Variants in CADPS observed in about 807,000 individuals in gnomAD.
CADPS encodes the protein calcium-dependent secretion activator 1.
A neutral mutation model predicts 167.3 loss-of-function variants in CADPS; 57 were observed. The ratio of observed to expected loss-of-function variants is 0.34; its 90% CI spans 0.28 to 0.42. The LOEUF is 0.42. Ranked by LOEUF, CADPS falls within the 20% of genes least tolerant of loss-of-function variation. The pLI, the probability that CADPS is intolerant of heterozygous loss-of-function variation, is 1.00. For missense variants in CADPS, 1,414 were observed against 1,738.1 expected (o/e 0.81, Z 3.32); for synonymous variants, 676 against 635.3 (o/e 1.06, Z -0.96).
At chr3:62,758,900 A>G (rs2084670094) in intron 2 of CADPS, among the ~76,000 whole-genome samples, 1 of 152,234 alleles carries the variant, frequency 6.6e-6, no homozygotes, top group African/African-American at 2.4e-5. Flanking sequence ...TTCACATTAC[A>G]GATGAGGTTG....
At position 62,399,353 on chromosome 3, in the gene CADPS, G is replaced by C; in HGVS notation, c.*53C>G. 6.4e-7 allele frequency: 1 copy of C among 1,554,806 alleles called. No individual in the cohort carries two copies. Among genetic ancestry groups the C allele is most frequent in the Non-Finnish European group, 8.9e-7 (1 of 1,129,160 alleles). Reference sequence around the variant, plus strand: ...CTAATGGGTTTAACTAACAGACTAAGGACATGCACTGATTACAGGACTCTG... The same window carrying C: ...CTAATGGGTTTAACTAACAGACTAACGACATGCACTGATTACAGGACTCTG... On this transcript the variant is annotated 3_prime_UTR_variant, in exon 30 of 30. Transcript: ENST00000383710. The surrounding 1 kb of genome is among the most constrained non-coding windows in gnomAD (Gnocchi z 5.6).
chr3:62,867,246 G>A (rs936049943), intron 1 of CADPS, among the ~76,000 whole-genome samples: 6 of 151,948 alleles, frequency 3.9e-5, no homozygotes, highest in Admixed American at 2.0e-4. Flanking sequence ...CAATGATAAC[G>A]AGCATAGTGC....
intron 1 of CADPS, among the ~76,000 whole-genome samples, chr3:62,871,538 A>G (rs1448218511): frequency 1.3e-5 from 2 of 152,130 alleles, no homozygotes; most frequent in African/African-American, 4.8e-5. Context: ...TATTAAAAAG[A>G]TAGGATTTGG....
chr3:62,692,068 CA>C (rs559433268), intron 3 of CADPS, among the ~76,000 whole-genome samples: 33 of 151,964 alleles, frequency 2.2e-4, no homozygotes, highest in Non-Finnish European at 3.1e-4. Context: ...CTGAAATTTT[CA>C]ACACCACTGT....
chr3:62,512,956 A>T (rs936792091), intron 16 of CADPS, among the ~76,000 whole-genome samples, 188 bp from the exon 17 acceptor site: 1 of 152,128 alleles, frequency 6.6e-6, no homozygotes, highest in African/African-American at 2.4e-5. Context: ...TCCTTCACAG[A>T]GGTGGAAAAT....
At chr3:62,742,900 C>T (rs1008457193) in intron 3 of CADPS, among the ~76,000 whole-genome samples, 18 of 152,124 alleles carry the variant, frequency 1.2e-4, no homozygotes, top group Admixed American at 6.6e-5. Context: ...GGTCTAATAT[C>T]ATGCATCTAT....
intron 8 of CADPS, among the ~76,000 whole-genome samples, chr3:62,572,050 C>T (rs948432768): frequency 1.3e-5 from 2 of 152,174 alleles, no homozygotes; most frequent in Admixed American, 1.3e-4. Flanking sequence ...CTTTACCTGT[C>T]TACTGTCATC....
chr3:62,683,302 T>C (rs964915185), intron 3 of CADPS, among the ~76,000 whole-genome samples: 4 of 151,938 alleles, frequency 2.6e-5, no homozygotes, highest in Non-Finnish European at 4.4e-5. Context: ...AGAGGATGGA[T>C]TGGAAGGGTT....
rs548317312 is a variant in CADPS, at chr3:62,557,701, AG to A, written c.1645-189del. Among the ~76,000 whole-genome samples the A allele has an allele frequency of 1.2e-4, 18 of 152,298 alleles. No homozygotes were observed. The South Asian group carries it at 3.5e-3, about 30-fold the overall frequency. On this transcript the variant is annotated intron_variant, in intron 9 of 29. Coordinates refer to ENST00000383710, the MANE Select transcript of CADPS (RefSeq NM_003716.4). ...TCTGGTCCTTCATAACCTCATCTGT[AG>A]ACTGGATACAATCTTAGAACCTACC...
intron 1 of CADPS, among the ~76,000 whole-genome samples, chr3:62,866,382 A>G (rs1184424604): frequency 6.6e-6 from 1 of 152,108 alleles, no homozygotes; most frequent in African/African-American, 2.4e-5. Context: ...ATCAGTGTGA[A>G]GTCTCAACAG....
intron 6 of CADPS, among the ~76,000 whole-genome samples, chr3:62,600,859 C>T (rs1407911810): frequency 6.6e-6 from 1 of 152,128 alleles, no homozygotes; most frequent in Non-Finnish European, 1.5e-5. Context: ...TGGTCTGCAC[C>T]TGTAGTCCCA....
At chr3:62,807,254 T>A (rs2094146605) in intron 1 of CADPS, among the ~76,000 whole-genome samples, 2 of 151,646 alleles carry the variant, frequency 1.3e-5, no homozygotes, top group South Asian at 4.2e-4. Context: ...AATTCTTTCA[T>A]CAAATTTCCT....
Position 62,601,958 on chromosome 3 carries a change from C to T in CADPS, c.1326-9210G>A, listed in dbSNP as rs2060034949. On this transcript the variant is annotated intron_variant, in intron 6 of 29. Transcript: ENST00000383710. The surrounding 1 kb of genome is among the most constrained non-coding windows in gnomAD (Gnocchi z 4.3). ...TGTGTTTGGGGAGCATCTGCTTGAT[C>T]ACAGTCGCATCTCTGTTTACTATTT... Among the ~76,000 whole-genome samples, 2 of 152,218 alleles carry T rather than the reference C, an allele frequency of 1.3e-5. No homozygotes were observed. Among genetic ancestry groups the T allele is most frequent in the Non-Finnish European group, 1.5e-5 (1 of 68,012 alleles).
rs889620585 is a variant in CADPS, at chr3:62,601,529, C to G, written c.1326-8781G>C. The stretch of plus-strand genomic sequence containing the variant: ...CAAAGACGAACTATAAACATGCACT[C>G]ACAAAGACAGCTGACCCCATGGGGA... On this transcript the variant is annotated intron_variant, in intron 6 of 29. Transcript: ENST00000383710. The surrounding 1 kb of genome is among the most constrained non-coding windows in gnomAD (Gnocchi z 4.3). 1.3e-5 allele frequency among the ~76,000 whole-genome samples: 2 copies of G among 152,208 alleles called. No individual in the cohort carries two copies. The highest frequency in any genetic ancestry group is 2.1e-4 in the South Asian group (1 of 4,834).
At chr3:62,472,536 G>A (rs2060750964) in intron 24 of CADPS, among the ~76,000 whole-genome samples, 1 of 152,168 alleles carries the variant, frequency 6.6e-6, no homozygotes, top group African/African-American at 2.4e-5. Context: ...TTAGGTGGGT[G>A]GTGGGCAGTG....
intron 4 of CADPS, among the ~76,000 whole-genome samples, chr3:62,660,956 G>A (rs988004623): frequency 2.0e-5 from 3 of 152,218 alleles, no homozygotes; most frequent in African/African-American, 7.2e-5. Flanking sequence ...TGCCCAGCAG[G>A]TTCAACCTGG....
At position 62,600,066 on chromosome 3, in the gene CADPS, G is replaced by T. The variant is rs1292941012; in HGVS notation, c.1326-7318C>A. On this transcript the variant is annotated intron_variant, in intron 6 of 29. Coordinates refer to ENST00000383710, the MANE Select transcript of CADPS (RefSeq NM_003716.4). ...ACCATGTCACTAAATTCAGGGGATTGTAGAGAGGTGAGACACATGAAATAA... is the reference window on the plus strand; with the variant it reads ...ACCATGTCACTAAATTCAGGGGATTTTAGAGAGGTGAGACACATGAAATAA... Among the ~76,000 whole-genome samples the T allele has an allele frequency of 2.7e-5, 4 of 146,628 alleles. No homozygotes were observed. In the South Asian group the frequency reaches 8.5e-4, roughly 31 times the overall value.
chr3:62,537,967 C>T (rs1038232055), intron 11 of CADPS, among the ~76,000 whole-genome samples: 13 of 152,208 alleles, frequency 8.5e-5, no homozygotes, highest in African/African-American at 2.6e-4. Flanking sequence ...CGAGATGTGG[C>T]GTTTATGCCC....
At chr3:62,683,410 C>T (rs939308595) in intron 3 of CADPS, among the ~76,000 whole-genome samples, 2 of 151,972 alleles carry the variant, frequency 1.3e-5, no homozygotes, top group Non-Finnish European at 2.9e-5. Flanking sequence ...TACAAAGGCT[C>T]GTTTGTGATT....
Sources: gnomAD v4.1 joint callset for allele counts (sites outside exome capture counted in the v4.1 genomes callset) on GRCh38, gnomAD v4.1.1 for gene constraint, Gnocchi (gnomAD v3.1) non-coding constraint, MANE v1.5 for transcripts, NCBI Gene and HGNC (gene_info 2026-07-23, HGNC 2026-07-21) for gene names.